The following CRYAB variants were observed in gnomAD, a reference collection of about 807,000 sequenced individuals.
The protein encoded by CRYAB is alpha-crystallin B chain.
In CRYAB, 9 loss-of-function variants were observed where a neutral mutation model predicts 12.7. That is an observed-to-expected ratio of 0.71 (90% CI 0.43 to 1.24). The LOEUF is 1.24. Among genes scored for constraint, CRYAB ranks in the 50% most tolerant of loss-of-function variants. The pLI is 0.00. For synonymous variants in CRYAB, 93 were observed against 86.8 expected (o/e 1.07, Z -0.40); for missense variants, 183 against 226.6 (o/e 0.81, Z 1.24).
At chr11:111,923,085 T>C (rs1965726192) in intron 1 of CRYAB, among the ~76,000 whole-genome samples, 1 of 152,238 alleles carries the variant, frequency 6.6e-6, no homozygotes, top group South Asian at 2.1e-4. Context: ...TAATATTTTC[T>C]GTATCCATTT....
upstream of CRYAB, chr11:111,912,138 G>A (rs1965482859): frequency 8.3e-6 from 2 of 242,000 alleles, no homozygotes; most frequent in Non-Finnish European, 1.6e-5. Context: ...CTGAATGCCA[G>A]GGGAATCAGG....
At chr11:111,920,524 C>G (rs57527690) in intron 1 of CRYAB, among the ~76,000 whole-genome samples, 1 of 150,676 alleles carries the variant, frequency 6.6e-6, no homozygotes, top group Non-Finnish European at 1.5e-5. Context: ...GGCAACAGAG[C>G]GAGACTATGT....
At chr11:111,918,597 T>C (rs1288764400) in intron 1 of CRYAB, 2 of 640,604 alleles carry the variant, frequency 3.1e-6, no homozygotes, top group Non-Finnish European at 5.7e-6. Flanking sequence ...ACTCATCTAT[T>C]ATAGAGGATA....
chr11:111,914,589 GA>G (rs4252592), upstream of CRYAB, among the ~76,000 whole-genome samples: 1,154 of 152,272 alleles, frequency 7.6e-3, 10 homozygotes, highest in Non-Finnish European at 0.013. Flanking sequence ...AATTATCACG[GA>G]ACCCCATTAC....
rs888853825 is a variant in CRYAB, at chr11:111,918,901, A to C, written c.-199+4802T>G. ...CTCCGGGAGCTGCCGCGGAAAGCTC[A>C]ACCAGGAACCCGGAAATGCACAAGC... On this transcript the variant is annotated intron_variant, in intron 1 of 3. Transcript: ENST00000527950. 13 of 1,591,138 alleles carry C rather than the reference A, an allele frequency of 8.2e-6. No individual in the cohort carries two copies. In the South Asian group the frequency reaches 1.3e-4, roughly 16 times the overall value.
chr11:111,912,950 C>T, upstream of CRYAB: 1 of 1,120,374 alleles, frequency 8.9e-7, no homozygotes, highest in Non-Finnish European at 1.2e-6. Flanking sequence ...ACCCCCTTGC[C>T]CCCCACCCCC....
intron 1 of CRYAB, among the ~76,000 whole-genome samples, chr11:111,921,534 G>C (rs1398129686): frequency 6.6e-6 from 1 of 152,206 alleles, no homozygotes; most frequent in Non-Finnish European, 1.5e-5. Context: ...TGTGTTTCCT[G>C]GAATGTCAGG....
intron 1 of CRYAB, among the ~76,000 whole-genome samples, chr11:111,923,075 T>TAATA (rs1445767183): frequency 2.6e-5 from 4 of 152,236 alleles, no homozygotes; most frequent in Admixed American, 6.5e-5. Flanking sequence ...ATTTTAGGAC[T>TAATA]AATATTTTCT....
upstream of CRYAB, among the ~76,000 whole-genome samples, chr11:111,916,864 C>CT (rs1193859391): frequency 1.2e-3 from 173 of 142,796 alleles, no homozygotes; most frequent in East Asian, 1.8e-3. Context: ...TTTTTCTTTT[C>CT]TTTTTTTTTT....
upstream of CRYAB, among the ~76,000 whole-genome samples, chr11:111,915,212 G>A (rs1460705790): frequency 6.6e-6 from 1 of 152,178 alleles, no homozygotes; most frequent in Non-Finnish European, 1.5e-5. Context: ...AATACAATTT[G>A]AATAGGTTCC....
intron 1 of CRYAB, among the ~76,000 whole-genome samples, chr11:111,921,688 A>G (rs1245773094): frequency 6.6e-6 from 1 of 152,148 alleles, no homozygotes; most frequent in Admixed American, 6.5e-5. Context: ...TTTTTTCATT[A>G]CTGATTAGTT....
At chr11:111,920,190 G>A (rs964611155) in intron 1 of CRYAB, among the ~76,000 whole-genome samples, 3 of 151,582 alleles carry the variant, frequency 2.0e-5, no homozygotes, top group East Asian at 1.9e-4. Context: ...GCAAGACTCC[G>A]TCTCAAAAAT....
At chr11:111,911,905 T>C (rs559641951), upstream of CRYAB, 77 of 602,756 alleles carry the variant, frequency 1.3e-4, no homozygotes, top group Non-Finnish European at 2.0e-4. Context: ...ATGTGACACA[T>C]ACCCAGTACT....
chr11:111,909,974 G>A (rs1362568741), intron 2 of CRYAB: 10 of 595,178 alleles, frequency 1.7e-5, no homozygotes, highest in African/African-American at 5.6e-5. Flanking sequence ...TGCTCGCTTC[G>A]GCAGCACATA....
upstream of CRYAB, among the ~76,000 whole-genome samples, chr11:111,917,721 C>T (rs116752518): frequency 0.011 from 1,625 of 151,034 alleles, 35 homozygotes; most frequent in African/African-American, 0.038. Context: ...TGGTGTGAGC[C>T]TGTAGTCCCA....
intron 1 of CRYAB, chr11:111,918,928 T>C: frequency 6.2e-7 from 1 of 1,611,630 alleles, no homozygotes; most frequent in South Asian, 1.1e-5. Context: ...TGCACAAGCC[T>C]CTTGATGCAT....
chr11:111,913,399 A>G (rs1032460520), upstream of CRYAB: 2 of 1,491,322 alleles, frequency 1.3e-6, no homozygotes. Flanking sequence ...TGCCAGCCTC[A>G]TCCTCCCTCA....
chr11:111,909,065 C>A (rs1592506624), intron 2 of CRYAB, 98 bp from the exon 3 acceptor site: 1 of 1,208,524 alleles, frequency 8.3e-7, no homozygotes, highest in East Asian at 2.4e-5. Flanking sequence ...TTAGGTGAGA[C>A]CAAATGCCAT....
intron 1 of CRYAB, among the ~76,000 whole-genome samples, chr11:111,919,646 CCAGA>C (rs781916046): frequency 3.9e-5 from 6 of 152,178 alleles, no homozygotes; most frequent in Non-Finnish European, 7.3e-5. Context: ...TTTCTATGTG[CCAGA>C]CATTTTACAG....
Sources: gnomAD v4.1 joint callset for allele counts (sites outside exome capture counted in the v4.1 genomes callset) on GRCh38, gnomAD v4.1.1 for gene constraint, MANE v1.5 for transcripts, NCBI Gene and HGNC (gene_info 2026-07-23, HGNC 2026-07-21) for gene names.